Variants in ELAVL2 observed in about 807,000 individuals in gnomAD.
ELAVL2 encodes the protein ELAV like RNA binding protein 2, also known as ELAV-like protein 2.
A neutral mutation model predicts 34.6 loss-of-function variants in ELAVL2; 4 were observed. That is an observed-to-expected ratio of 0.12 (90% CI 0.06 to 0.26). ELAVL2 has a LOEUF of 0.26. Among genes scored for constraint, ELAVL2 ranks in the 10% least tolerant of loss-of-function variants. The pLI is 1.00. For synonymous variants in ELAVL2, 193 were observed against 154.8 expected (o/e 1.25, Z -1.83); for missense variants, 432 against 442.8 (o/e 0.98, Z 0.22).
intron 1 of ELAVL2, among the ~76,000 whole-genome samples, chr9:23,779,935 T>C (rs977354301): frequency 7.2e-6 from 1 of 138,498 alleles, no homozygotes; most frequent in Non-Finnish European, 1.5e-5. Flanking sequence ...GTTAATGCTA[T>C]TGGCTTTTTC....
chr9:23,817,550 A>G (rs17551174), intron 1 of ELAVL2, among the ~76,000 whole-genome samples: 19,219 of 152,220 alleles, frequency 0.13, 1,514 homozygotes, highest in Middle Eastern at 0.19. Flanking sequence ...ACCAATCTCT[A>G]GAAACTTAAC....
At chr9:23,804,931 C>A (rs2062026000) in intron 1 of ELAVL2, among the ~76,000 whole-genome samples, 3 of 152,162 alleles carry the variant, frequency 2.0e-5, no homozygotes, top group Admixed American at 2.0e-4. Flanking sequence ...CTCTAACATT[C>A]TCTGATGTCC....
chr9:23,708,563 G>A (rs2133531187), intron 3 of ELAVL2, among the ~76,000 whole-genome samples: 1 of 152,294 alleles, frequency 6.6e-6, no homozygotes. Context: ...AATGAATCCT[G>A]GCTGTTTCTT....
chr9:23,713,383 T>TGGCAGTA (rs1466348496), intron 3 of ELAVL2, among the ~76,000 whole-genome samples: 2 of 152,218 alleles, frequency 1.3e-5, no homozygotes, highest in African/African-American at 2.4e-5. Flanking sequence ...ACTATGGTAG[T>TGGCAGTA]GGCAGTAGGC....
At chr9:23,755,818 C>T (rs1231116200) in intron 2 of ELAVL2, among the ~76,000 whole-genome samples, 1 of 152,078 alleles carries the variant, frequency 6.6e-6, no homozygotes, top group African/African-American at 2.4e-5. Context: ...AAGTTACCAC[C>T]CACCCAACCA....
At chr9:23,735,540 A>G (rs1285788066) in intron 2 of ELAVL2, 2 of 152,118 alleles carry the variant, frequency 1.3e-5, no homozygotes, top group African/African-American at 4.8e-5. Flanking sequence ...CGGCCTCCCA[A>G]TGTGCTGGGA....
At chr9:23,778,824 AT>A (rs1410764255) in intron 1 of ELAVL2, among the ~76,000 whole-genome samples, 1 of 152,180 alleles carries the variant, frequency 6.6e-6, no homozygotes, top group Non-Finnish European at 1.5e-5. Context: ...GTCACTAAAC[AT>A]CCTAATATGA....
intron 1 of ELAVL2, chr9:23,764,920 G>C (rs557615245): frequency 1.8e-5 from 23 of 1,272,778 alleles, no homozygotes; most frequent in Non-Finnish European, 2.4e-5. Flanking sequence ...TATGCCAAAT[G>C]AAAGATTCAA....
intron 1 of ELAVL2, among the ~76,000 whole-genome samples, chr9:23,784,938 A>G (rs1009555941): frequency 2.6e-5 from 4 of 152,254 alleles, no homozygotes; most frequent in African/African-American, 9.6e-5. Flanking sequence ...TCCAGGCAAA[A>G]TAAGAAATGT....
chr9:23,800,830 GC>G (rs1362985677), intron 1 of ELAVL2, among the ~76,000 whole-genome samples: 1 of 152,098 alleles, frequency 6.6e-6, no homozygotes, highest in Non-Finnish European at 1.5e-5. Flanking sequence ...TGATACGGGT[GC>G]CTTCAAGGGC....
intron 2 of ELAVL2, among the ~76,000 whole-genome samples, chr9:23,742,939 G>A (rs2049613527): frequency 6.6e-6 from 1 of 152,140 alleles, no homozygotes; most frequent in African/African-American, 2.4e-5. Flanking sequence ...GACTGATGGT[G>A]TTTGGGCTGG....
the ELAVL2 span, among the ~76,000 whole-genome samples, chr9:23,838,225 G>A: frequency 1.3e-5 from 2 of 151,522 alleles, no homozygotes; most frequent in African/African-American, 4.8e-5. Context: ...TACATTTTCT[G>A]CATTATTGGG....
At chr9:23,830,622 A>ACACACACACACACACACACC (rs1327839086), upstream of ELAVL2, among the ~76,000 whole-genome samples, 1 of 142,022 alleles carries the variant, frequency 7.0e-6, no homozygotes, top group Non-Finnish European at 1.5e-5. Context: ...ACACACACAC[A>ACACACACACACACACACACC]CACCTTTTTT....
chr9:23,819,893 T>C (rs556550513), intron 1 of ELAVL2, among the ~76,000 whole-genome samples: 2 of 152,164 alleles, frequency 1.3e-5, no homozygotes, highest in African/African-American at 4.8e-5. Context: ...CAAGCGAACT[T>C]CCCGTAAGTA....
At chr9:23,819,741 C>G (rs1020059630) in intron 1 of ELAVL2, among the ~76,000 whole-genome samples, 2 of 152,162 alleles carry the variant, frequency 1.3e-5, no homozygotes, top group African/African-American at 2.4e-5. Context: ...AATAAAAATA[C>G]TCTCTCAAAA....
chr9:23,733,738 T>TA (rs1408198123), intron 2 of ELAVL2, among the ~76,000 whole-genome samples: 23 of 152,158 alleles, frequency 1.5e-4, no homozygotes, highest in Admixed American at 1.4e-3. Flanking sequence ...TCTGAACCCT[T>TA]ACTCCTGGCC....
intron 1 of ELAVL2, among the ~76,000 whole-genome samples, chr9:23,790,527 C>T (rs753082908): frequency 6.6e-6 from 1 of 151,958 alleles, no homozygotes; most frequent in African/African-American, 2.4e-5. Context: ...AAATAGTATC[C>T]TTCATCTCAT....
rs1587829119 is a variant in ELAVL2, at chr9:23,730,892, A to G, written c.333+130T>C. On this transcript the variant is annotated intron_variant, in intron 3 of 6. Transcript: ENST00000397312. ...TTTCTTCCATCTTGCAACAAACACC[A>G]AAATTCCACTATGTCTCCCAGGTAA... 4 of 825,572 alleles carry G rather than the reference A, an allele frequency of 4.8e-6. No homozygotes were observed. In the East Asian group the frequency reaches 1.1e-4, roughly 22 times the overall value. The allele number at this position is 825,572 out of a possible 1,614,324, so 51.1% of individuals were successfully genotyped here.
intron 1 of ELAVL2, among the ~76,000 whole-genome samples, chr9:23,787,572 C>A (rs56034539): frequency 0.2 from 25,498 of 125,716 alleles, 2,473 homozygotes; most frequent in South Asian, 0.32. Flanking sequence ...CTTAAAAAAA[C>A]AAAAAAAAAA....
Sources: allele counts gnomAD v4.1 joint callset (sites outside exome capture counted in the v4.1 genomes callset), GRCh38; gene constraint gnomAD v4.1.1; transcripts MANE v1.5; gene names NCBI Gene and HGNC (gene_info 2026-07-23, HGNC 2026-07-21).